The following ME1 variants were observed in gnomAD, a reference collection of about 807,000 sequenced individuals.
The protein encoded by ME1 is malic enzyme 1, also known as NADP-dependent malic enzyme.
ME1 carries 74 observed loss-of-function variants against 66.4 expected under a neutral mutation model. That is an observed-to-expected ratio of 1.11 (90% CI 0.92 to 1.35). The LOEUF (loss-of-function observed/expected upper bound fraction) is 1.35. ME1 is among the 40% of genes most tolerant of loss of function. The pLI is 0.00. For missense variants in ME1, 750 were observed against 694.1 expected (o/e 1.08, Z -0.90); for synonymous variants, 251 against 235.6 (o/e 1.07, Z -0.60).
At chr6:83,391,834 C>T (rs1309390399) in intron 3 of ME1, among the ~76,000 whole-genome samples, 1 of 152,116 alleles carries the variant, frequency 6.6e-6, no homozygotes. Flanking sequence ...TACATGACTT[C>T]CTCCCCAACT....
intron 1 of ME1, among the ~76,000 whole-genome samples, chr6:83,415,015 T>A (rs1011497680): frequency 1.3e-5 from 2 of 152,190 alleles, no homozygotes; most frequent in African/African-American, 2.4e-5. Flanking sequence ...CGTGTATGAA[T>A]AATCCAAATA....
rs1491450413 is a variant in ME1 at position 83,237,272 on chromosome 6, A to AAAGAAAGC, written c.1026+444_1026+445insGCTTTCTT. 1.0e-3 allele frequency among the ~76,000 whole-genome samples: 91 copies of AAAGAAAGC among 90,238 alleles called. 4 individuals carry two copies. Among genetic ancestry groups the AAAGAAAGC allele is most frequent in the East Asian group, 5.2e-3 (20 of 3,830 alleles). 59.2% of individuals were successfully genotyped at this position (90,238 alleles called of 152,430 possible). The stretch of plus-strand genomic sequence containing the variant: ...GAAAGAAAGAAAGAAAGAAAGAAAG[A>AAAGAAAGC]AAGAAAGGAAGGAAGGAAGGAAAGA... On this transcript the variant is annotated intron_variant, in intron 9 of 13. Transcript: ENST00000369705.
intron 9 of ME1, among the ~76,000 whole-genome samples, chr6:83,236,576 CT>C (rs1790406274): frequency 6.6e-6 from 1 of 152,080 alleles, no homozygotes; most frequent in Non-Finnish European, 1.5e-5. Context: ...TTAATAATGC[CT>C]TATAACTATA....
intron 12 of ME1, among the ~76,000 whole-genome samples, chr6:83,216,877 T>C (rs1360580816): frequency 6.6e-6 from 1 of 152,154 alleles, no homozygotes; most frequent in Non-Finnish European, 1.5e-5. Context: ...TGCTAGATAC[T>C]TTCCAATTGA....
chr6:83,316,242 C>G (rs752412865), intron 5 of ME1, among the ~76,000 whole-genome samples: 7 of 152,062 alleles, frequency 4.6e-5, no homozygotes. Flanking sequence ...TTTAACTTTA[C>G]ACAGTTTAAG....
intron 6 of ME1, among the ~76,000 whole-genome samples, chr6:83,272,901 G>A (rs930606426): frequency 1.1e-4 from 16 of 152,248 alleles, no homozygotes; most frequent in South Asian, 2.1e-4. Flanking sequence ...AGGGCCAGGC[G>A]TGGTAGCTCA....
At chr6:83,292,361 T>G (rs1181464112) in intron 6 of ME1, among the ~76,000 whole-genome samples, 1 of 152,200 alleles carries the variant, frequency 6.6e-6, no homozygotes, top group Non-Finnish European at 1.5e-5. Flanking sequence ...TAGTTTTCCT[T>G]CTAACAGACA....
At chr6:83,252,573 T>C (rs1040106746) in intron 7 of ME1, among the ~76,000 whole-genome samples, 4 of 152,160 alleles carry the variant, frequency 2.6e-5, no homozygotes, top group African/African-American at 9.7e-5. Context: ...AGTGCTGGGA[T>C]TATAGGCGCC....
intron 6 of ME1, among the ~76,000 whole-genome samples, chr6:83,277,901 AAATAAT>A (rs3837004): frequency 1.1e-4 from 16 of 144,098 alleles, no homozygotes; most frequent in South Asian, 2.2e-4. Flanking sequence ...CTGTATCTCA[AAATAAT>A]AATAATAATA....
Position 83,309,382 on chromosome 6 carries a change from G to A in ME1, c.704+5928C>T, listed in dbSNP as rs140831958. 5.3e-3 allele frequency among the ~76,000 whole-genome samples: 814 copies of A among 152,296 alleles called. 8 individuals are homozygous for A. The highest frequency in any genetic ancestry group is 0.018 in the African/African-American group (750 of 41,566). On this transcript the variant is annotated intron_variant, in intron 6 of 13. Coordinates refer to ENST00000369705, the MANE Select transcript of ME1 (RefSeq NM_002395.6). ...TGATACTGACAATGAGAAAAGGTTAGATTCTGGATACATTCTGTAGTTAAA... is the reference window on the plus strand; with the variant it reads ...TGATACTGACAATGAGAAAAGGTTAAATTCTGGATACATTCTGTAGTTAAA...
intron 8 of ME1, among the ~76,000 whole-genome samples, chr6:83,238,796 A>G (rs1254789318): frequency 7.6e-6 from 1 of 130,724 alleles, no homozygotes; most frequent in Non-Finnish European, 1.6e-5. Context: ...AAGTTTCTTG[A>G]AAAATATATA....
chr6:83,328,123 A>C (rs544943473), intron 5 of ME1, among the ~76,000 whole-genome samples: 25 of 152,242 alleles, frequency 1.6e-4, no homozygotes, highest in Non-Finnish European at 3.1e-4. Flanking sequence ...ACACCATGGA[A>C]TACTATGTAG....
chr6:83,314,033 G>C (rs1361041089), intron 6 of ME1, among the ~76,000 whole-genome samples: 1 of 152,116 alleles, frequency 6.6e-6, no homozygotes, highest in African/African-American at 2.4e-5. Context: ...GTTAATTCTA[G>C]TGATGACTTT....
At position 83,283,227 on chromosome 6, in the gene ME1, C is replaced by CAAAAA. The variant is rs71545854; in HGVS notation, c.705-29494_705-29490dup. On this transcript the variant is annotated intron_variant, in intron 6 of 13. Coordinates refer to ENST00000369705, the MANE Select transcript of ME1 (RefSeq NM_002395.6). ...TGGGCGACAGAGCAAGACTCCGTCTCAAAAAAAAAAAAAAAAAAAAATGAT... is the reference window on the plus strand; with the variant it reads ...TGGGCGACAGAGCAAGACTCCGTCTCAAAAAAAAAAAAAAAAAAAAAAAAAATGAT... Among the ~76,000 whole-genome samples, 24 of 28,912 alleles carry CAAAAA rather than the reference C, an allele frequency of 8.3e-4. 2 individuals carry two copies. Among genetic ancestry groups the CAAAAA allele is most frequent in the African/African-American group, 1.7e-3 (12 of 7,234 alleles). The allele number at this position is 28,912 out of a possible 152,430, so 19.0% of individuals were successfully genotyped here.
chr6:83,250,605 T>TA (rs1303497558), intron 7 of ME1, among the ~76,000 whole-genome samples: 2 of 152,238 alleles, frequency 1.3e-5, no homozygotes, highest in African/African-American at 4.8e-5. Flanking sequence ...TATCAACAAC[T>TA]AATTACCTGT....
intron 8 of ME1, among the ~76,000 whole-genome samples, chr6:83,238,797 AAAATATATATAT>A (rs1254650782): frequency 1.8e-5 from 1 of 54,296 alleles, no homozygotes; most frequent in African/African-American, 7.6e-5. Context: ...AGTTTCTTGA[AAAATATATATAT>A]ATATATATAT....
chr6:83,234,583 T>A (rs1790363178), intron 9 of ME1, among the ~76,000 whole-genome samples: 1 of 152,218 alleles, frequency 6.6e-6, no homozygotes, highest in South Asian at 2.1e-4. Context: ...TTACTAAGTA[T>A]GCCACTTCTA....
intron 11 of ME1, among the ~76,000 whole-genome samples, chr6:83,226,244 C>T (rs1488296664): frequency 2.0e-5 from 3 of 152,126 alleles, no homozygotes; most frequent in African/African-American, 7.2e-5. Flanking sequence ...ATATCAGACA[C>T]ATTCAAAGTT....
intron 6 of ME1, 117 bp downstream of exon 6, chr6:83,315,193 C>T (rs1205623355): frequency 3.1e-6 from 2 of 638,206 alleles, no homozygotes; most frequent in East Asian, 5.5e-5. Flanking sequence ...AGGATATATG[C>T]ATTTTTCATT....
Sources: allele counts gnomAD v4.1 joint callset (sites outside exome capture counted in the v4.1 genomes callset), GRCh38; gene constraint gnomAD v4.1.1; transcripts MANE v1.5; gene names NCBI Gene and HGNC (gene_info 2026-07-23, HGNC 2026-07-21).